MOGAT1: variants seen among roughly 807,000 people sequenced by gnomAD.
MOGAT1 encodes 2-acylglycerol O-acyltransferase 1.
In MOGAT1, 32 loss-of-function variants were observed where a neutral mutation model predicts 31.4. That is an observed-to-expected ratio of 1.02 (90% confidence interval 0.77 to 1.37). The LOEUF is 1.37. Ranked by LOEUF, MOGAT1 falls within the 40% of genes most tolerant of loss-of-function variation. The pLI is 0.00. For synonymous variants in MOGAT1, 145 were observed against 144.5 expected, an observed-to-expected ratio of 1.00 and a Z score of -0.03; for missense variants, 426 against 402.0, an observed-to-expected ratio of 1.06 and a Z score of -0.51.
At chr2:222,677,009 A>G (rs1670874102) in intron 1 of MOGAT1, among the ~76,000 whole-genome samples, 1 of 152,236 alleles carries the variant, frequency 6.6e-6, no homozygotes, top group Admixed American at 6.5e-5. Context: ...TTTACACTTC[A>G]TACTTGAGAT....
rs114185975 is a variant in MOGAT1 at position 222,689,238 on chromosome 2, T to A, written c.274-27T>A. The A allele has an allele frequency of 2.8e-3, 4,239 of 1,539,936 alleles. 85 individuals are homozygous for A. In the African/African-American group the frequency reaches 0.047, roughly 17 times the overall value. On this transcript the variant is annotated intron_variant, in intron 2 of 5. Transcript: ENST00000446656. ...AATAATAAGGGAAGTTTCTTTTTTT[T>A]AAAATCTCAATATGAATGTGCTGTA...
rs1459056824 is a variant in MOGAT1, at chr2:222,695,213, C to G, written c.778C>G (p.Pro260Ala). The G allele has an allele frequency of 1.9e-6, 3 of 1,613,544 alleles. No individual in the cohort carries two copies. The highest frequency in any genetic ancestry group is 2.5e-6 in the Non-Finnish European group (3 of 1,179,748). The change falls in exon 5 of 6, where the codon CCC (proline) becomes GCC (alanine). Residue 260 changes from proline to alanine, a missense_variant. Pro to Ala is a conservative substitution (Grantham distance 27). Coordinates refer to ENST00000446656, the MANE Select transcript of MOGAT1 (RefSeq NM_058165.3). ...KLQKIMGFAL[P>A]LFHARGVFQY... ...GCAGAAGATCATGGGGTTTGCTTTG[C>G]CCCTGTTTCATGCCAGGGGAGTTTT...
rs994099896 is a variant in MOGAT1, at chr2:222,690,978, T to A, written c.478+1509T>A. On this transcript the variant is annotated intron_variant, in intron 3 of 5. Coordinates refer to ENST00000446656, the MANE Select transcript of MOGAT1 (RefSeq NM_058165.3). ...GTGTAATGTTTGCTTATTCAAAGCA[T>A]TGCCGCAGTGAGTTTGAGTCGTATA... is the stretch of plus-strand genomic sequence containing the variant. 3.9e-5 allele frequency among the ~76,000 whole-genome samples: 6 copies of A among 152,332 alleles called. No individual in the cohort carries two copies. In the East Asian group the frequency reaches 9.7e-4, roughly 25 times the overall value.
At chr2:222,690,185 G>A (rs1005359053) in intron 3 of MOGAT1, among the ~76,000 whole-genome samples, 2 of 152,154 alleles carry the variant, frequency 1.3e-5, no homozygotes, top group Non-Finnish European at 2.9e-5. Flanking sequence ...AGCTTGGGAG[G>A]TCAAGGCTGC....
In MOGAT1 at chr2:222,671,707, C is replaced by A; in HGVS notation, c.-79C>A. On this transcript the variant is annotated 5_prime_UTR_variant, in exon 1 of 6. Transcript: ENST00000446656. ...TGCCCAGCGCGGGGCCCGGATCCGGCCGGGCACTTCCCACAGGCGCCGCAG... is the reference window on the plus strand; with the variant it reads ...TGCCCAGCGCGGGGCCCGGATCCGGACGGGCACTTCCCACAGGCGCCGCAG... 8.0e-7 allele frequency: 1 copy of A among 1,243,766 alleles called. No homozygotes were observed. The highest frequency in any genetic ancestry group is 1.1e-6 in the Non-Finnish European group (1 of 876,222). The allele number at this position is 1,243,766 out of a possible 1,614,324, so 77.0% of individuals were successfully genotyped here. A position where few individuals can be genotyped will look rare whatever the true frequency, so the allele number is the denominator to read the frequency against.
chr2:222,689,792 A>G (rs1275036056), intron 3 of MOGAT1, among the ~76,000 whole-genome samples: 1 of 152,270 alleles, frequency 6.6e-6, no homozygotes, highest in African/African-American at 2.4e-5. Flanking sequence ...AGAAAAAGAA[A>G]TCAGGGATCA....
chr2:222,674,038 A>G (rs1248224222), intron 1 of MOGAT1, among the ~76,000 whole-genome samples: 1 of 152,206 alleles, frequency 6.6e-6, no homozygotes, highest in African/African-American at 2.4e-5. Context: ...AGGGAGGACT[A>G]CCCGTTACCC....
chr2:222,688,665 G>C, intron 2 of MOGAT1, 143 bp downstream of exon 2: 1 of 638,998 alleles, frequency 1.6e-6, no homozygotes, highest in South Asian at 2.4e-5. Context: ...CCAAAGACTA[G>C]GTAATTTATA....
In MOGAT1 at chr2:222,671,803, A is replaced by C; in HGVS notation, c.18A>C (p.Ala6=). 6.4e-7 allele frequency: 1 copy of C among 1,552,976 alleles called. No homozygotes were observed. The highest frequency in any genetic ancestry group is 8.7e-7 in the Non-Finnish European group (1 of 1,148,218). MKVEF[A]PLNIQLARRL... Reference sequence around the variant, plus strand: ...GCCAGGCCATGAAGGTAGAGTTTGCACCGCTCAACATCCAGCTGGCGCGGC... The same window carrying C: ...GCCAGGCCATGAAGGTAGAGTTTGCCCCGCTCAACATCCAGCTGGCGCGGC... Residue 6 remains alanine, a synonymous_variant, in exon 1 of 6, where the codon GCA becomes GCC. Transcript: ENST00000446656.
rs144166988 is a variant in MOGAT1 at position 222,689,385 on chromosome 2, C to A, written c.394C>A (p.Leu132Met). 28 of 1,614,012 alleles carry A rather than the reference C, an allele frequency of 1.7e-5. No homozygotes were observed. The highest frequency in any genetic ancestry group is 2.4e-5 in the Non-Finnish European group (28 of 1,179,892). Reference protein sequence around the residue: ...FSVNYSDFKDLFPGFTSYLHV... With the variant: ...FSVNYSDFKDMFPGFTSYLHV... ...TGTAAATTATTCTGACTTCAAGGAC[C>A]TGTTTCCTGGCTTTACTTCATATCT... is the stretch of plus-strand genomic sequence containing the variant. The change falls in exon 3 of 6, where the codon CTG becomes ATG. Residue 132 changes from leucine to methionine, a missense_variant. By Grantham distance (15) the Leu-to-Met change is conservative (BLOSUM62 2). Transcript: ENST00000446656.
At chr2:222,690,405 C>T (rs1391743566) in intron 3 of MOGAT1, among the ~76,000 whole-genome samples, 4 of 151,790 alleles carry the variant, frequency 2.6e-5, no homozygotes, top group African/African-American at 9.7e-5. Flanking sequence ...ACTAAAAATA[C>T]AAAAATTAGG....
In MOGAT1 at chr2:222,688,342, A is replaced by G. The variant is rs1400402091; in HGVS notation, c.95-2A>G. ...TCCATGAGACTTTTTCTTTTCTTAC[A>G]GGGCCGATGTCCATTGGAATCACTG... is the stretch of plus-strand genomic sequence containing the variant. On this transcript the variant is annotated splice_acceptor_variant, in intron 1 of 5. Coordinates refer to ENST00000446656, the MANE Select transcript of MOGAT1 (RefSeq NM_058165.3). LOFTEE classifies it high-confidence loss of function. 1 of 1,601,872 alleles carries G rather than the reference A, an allele frequency of 6.2e-7. No homozygotes were observed. Among genetic ancestry groups the G allele is most frequent in the East Asian group, 2.2e-5 (1 of 44,714 alleles).
chr2:222,675,695 G>A (rs775451611), intron 1 of MOGAT1, among the ~76,000 whole-genome samples: 1 of 151,942 alleles, frequency 6.6e-6, no homozygotes, highest in Non-Finnish European at 1.5e-5. Context: ...TAGCCAGGAT[G>A]GTCTCGGTCT....
At position 222,688,360 on chromosome 2, in the gene MOGAT1, A is replaced by G. The variant is rs758924580; in HGVS notation, c.111A>G (p.Gly37=). The G allele has an allele frequency of 1.2e-6, 2 of 1,610,278 alleles. No homozygotes were observed. Among genetic ancestry groups the G allele is most frequent in the African/African-American group, 1.3e-5 (1 of 74,832 alleles). The change falls in exon 2 of 6, where the codon GGA becomes GGG. Residue 37 remains glycine (G), a synonymous_variant. Transcript: ENST00000446656. The part of the protein sequence containing the change: ...KYLLLGPMSI[G]ITVMLIIHNY... ...TTCTTACAGGGCCGATGTCCATTGGAATCACTGTGATGCTGATCATACACA... is the reference window on the plus strand; with the variant it reads ...TTCTTACAGGGCCGATGTCCATTGGGATCACTGTGATGCTGATCATACACA...
chr2:222,698,125 C>T (rs918163975), intron 5 of MOGAT1, among the ~76,000 whole-genome samples: 4 of 152,114 alleles, frequency 2.6e-5, no homozygotes, highest in Admixed American at 1.3e-4. Context: ...TAGTGAGAGA[C>T]TGGAAAATGA....
intron 3 of MOGAT1, among the ~76,000 whole-genome samples, chr2:222,692,815 G>A (rs1336765825): frequency 1.3e-5 from 2 of 152,134 alleles, no homozygotes; most frequent in African/African-American, 4.8e-5. Flanking sequence ...CGGAGGAGTG[G>A]CCAGAGGCAA....
intron 2 of MOGAT1, 33 bp from the exon 3 acceptor site, chr2:222,689,232 T>C (rs938771468): frequency 1.3e-6 from 2 of 1,525,124 alleles, no homozygotes; most frequent in South Asian, 1.2e-5. Flanking sequence ...GGAAGTTTCT[T>C]TTTTTTAAAA....
At chr2:222,674,985 C>T (rs764701320) in intron 1 of MOGAT1, among the ~76,000 whole-genome samples, 8 of 152,174 alleles carry the variant, frequency 5.3e-5, no homozygotes, top group Non-Finnish European at 7.4e-5. Context: ...TACACTTTTA[C>T]TAGCAATTTC....
chr2:222,695,150 C>A lies in MOGAT1; in HGVS notation c.715C>A (p.Pro239Thr). ...TGAACTGTTTAAACAAACTGACAAC[C>A]CTGAAGGATCATGGATTAGAACTGT... ...ENELFKQTDN[P>T]EGSWIRTVQN... The change falls in exon 5 of 6, where the codon CCT (proline) becomes ACT (threonine). Residue 239 changes from proline to threonine, a missense_variant. Transcript: ENST00000446656. The A allele has an allele frequency of 6.2e-7, 1 of 1,613,138 alleles. No individual in the cohort carries two copies. Among genetic ancestry groups the A allele is most frequent in the South Asian group, 1.1e-5 (1 of 90,938 alleles).
Sources: gnomAD v4.1 joint callset for allele counts (sites outside exome capture counted in the v4.1 genomes callset) on GRCh38, gnomAD v4.1.1 for gene constraint, MANE v1.5 for transcripts, NCBI Gene and HGNC (gene_info 2026-07-23, HGNC 2026-07-21) for gene names.